MEI1: variants seen among roughly 807,000 people sequenced by gnomAD.
MEI1 encodes the protein meiotic double-stranded break formation protein 1, also known as meiosis inhibitor protein 1.
In MEI1, 103 loss-of-function variants were observed where a neutral mutation model predicts 146.2. The observed-to-expected ratio is 0.70, with a 90% CI of 0.60 to 0.83. MEI1 has a LOEUF of 0.83. Ranked by LOEUF, MEI1 falls within the 40% of genes least tolerant of loss-of-function variation. The pLI is 0.00. For missense variants in MEI1, 1,529 were observed against 1,533.0 expected (o/e 1.00, Z 0.04); for synonymous variants, 652 against 628.2 (o/e 1.04, Z -0.57).
chr22:41,783,354 G>C (rs982248140), intron 24 of MEI1, among the ~76,000 whole-genome samples: 3 of 151,672 alleles, frequency 2.0e-5, no homozygotes, highest in Non-Finnish European at 2.9e-5. Flanking sequence ...GTGCAATGGT[G>C]TGATCTCGGC....
intron 19 of MEI1, among the ~76,000 whole-genome samples, chr22:41,765,518 G>A (rs1345022288): frequency 6.6e-6 from 1 of 151,900 alleles, no homozygotes; most frequent in East Asian, 1.9e-4. Flanking sequence ...TATATAAAGG[G>A]CAACATACAA....
intron 7 of MEI1, among the ~76,000 whole-genome samples, chr22:41,725,198 G>A (rs1207513066): frequency 6.6e-6 from 1 of 151,188 alleles, no homozygotes; most frequent in Non-Finnish European, 1.5e-5. Flanking sequence ...TACAACCTCC[G>A]CCCCCCAGGC....
chr22:41,788,630 A>G (rs1260798356), intron 26 of MEI1, among the ~76,000 whole-genome samples: 2 of 146,028 alleles, frequency 1.4e-5, no homozygotes, highest in African/African-American at 2.5e-5. Flanking sequence ...TAGTAGAGAC[A>G]GGGTTTCACC....
chr22:41,730,566 G>C lies in MEI1; in HGVS notation c.1025G>C (p.Trp342Ser), dbSNP rs2147560257. ...TCTTCTTCCAGTGAAGTGCTCGTCT[G>C]GTCCAGCTGTAACTGCTTGACACTC... ...HLSSSSEVLV[W>S]SSCNCLTLLV... is the part of the protein sequence containing the mutation. Residue 342 changes from tryptophan to serine, a missense_variant, in exon 9 of 31, where the codon TGG becomes TCG. This residue lies in a region of MEI1 where 1,212 missense variants were observed against 1,178.9 expected (regional missense o/e 1.03). Transcript: ENST00000401548. The C allele has an allele frequency of 6.2e-7, 1 of 1,613,834 alleles. No homozygotes were observed. Among genetic ancestry groups the C allele is most frequent in the Middle Eastern group, 1.6e-4 (1 of 6,062 alleles).
intron 9 of MEI1, 39 bp from the exon 10 acceptor site, chr22:41,732,206 G>T: frequency 6.6e-7 from 1 of 1,505,894 alleles, no homozygotes; most frequent in Non-Finnish European, 9.1e-7. Flanking sequence ...GAACAAGAGA[G>T]CACTGATCCC....
intron 26 of MEI1, among the ~76,000 whole-genome samples, chr22:41,786,251 T>A: frequency 6.6e-6 from 1 of 151,984 alleles, no homozygotes; most frequent in East Asian, 1.9e-4. Flanking sequence ...CTTGCTATAT[T>A]TCCAGGCTGG....
In MEI1 at chr22:41,793,809, T is replaced by A; in HGVS notation, c.3346-20T>A. ...ATTGGTAGCAAAACCTGACCTGATTTTTTTTTTTTTTTTCTGCAGAAGGAC... is the reference window on the plus strand; with the variant it reads ...ATTGGTAGCAAAACCTGACCTGATTATTTTTTTTTTTTTCTGCAGAAGGAC... On this transcript the variant is annotated intron_variant, in intron 26 of 30. Transcript: ENST00000401548. The A allele has an allele frequency of 6.8e-7, 1 of 1,462,640 alleles. No homozygotes were observed. Among genetic ancestry groups the A allele is most frequent in the Non-Finnish European group, 9.0e-7 (1 of 1,109,606 alleles). 90.6% of individuals were successfully genotyped at this position (1,462,640 alleles called of 1,614,324 possible).
chr22:41,738,780 A>T (rs541774786), intron 11 of MEI1, among the ~76,000 whole-genome samples: 1 of 129,244 alleles, frequency 7.7e-6, no homozygotes, highest in Admixed American at 7.8e-5. Flanking sequence ...CAAAAAAAAA[A>T]ATAAATAAAT....
At chr22:41,766,144 G>A (rs1467688450) in intron 19 of MEI1, among the ~76,000 whole-genome samples, 5 of 151,216 alleles carry the variant, frequency 3.3e-5, no homozygotes, top group Non-Finnish European at 7.4e-5. Flanking sequence ...CAAAGTGCTG[G>A]GATTACAGGC....
chr22:41,784,502 G>C, intron 25 of MEI1, 82 bp downstream of exon 25: 1 of 1,596,510 alleles, frequency 6.3e-7, no homozygotes, highest in Non-Finnish European at 8.6e-7. Flanking sequence ...CCAGCCAATG[G>C]TCACTCCATA....
chr22:41,738,793 ATAAG>A (rs1473106254), intron 11 of MEI1, among the ~76,000 whole-genome samples: 1 of 84,436 alleles, frequency 1.2e-5, no homozygotes, highest in Admixed American at 1.0e-4. Flanking sequence ...AAATAAATAA[ATAAG>A]TAATAAAATA....
intron 12 of MEI1, among the ~76,000 whole-genome samples, chr22:41,743,715 A>T (rs1360624975): frequency 6.6e-6 from 1 of 152,152 alleles, no homozygotes; most frequent in African/African-American, 2.4e-5. Flanking sequence ...AGCTCTTTAC[A>T]CCTGATGGAG....
chr22:41,752,013 T>A (rs2073788961), intron 15 of MEI1, among the ~76,000 whole-genome samples: 1 of 150,736 alleles, frequency 6.6e-6, no homozygotes, highest in South Asian at 2.1e-4. Flanking sequence ...GAGGTTGCAG[T>A]GAGCTGAGAT....
intron 2 of MEI1, among the ~76,000 whole-genome samples, chr22:41,705,018 G>A (rs1269911325): frequency 6.6e-6 from 1 of 151,724 alleles, no homozygotes; most frequent in East Asian, 1.9e-4. Flanking sequence ...CCGGCCAATT[G>A]TTATCTTTTT....
intron 15 of MEI1, among the ~76,000 whole-genome samples, chr22:41,749,675 G>T (rs1478514311): frequency 2.0e-5 from 3 of 152,234 alleles, no homozygotes; most frequent in African/African-American, 2.4e-5. Flanking sequence ...GAGCAGTGTG[G>T]ACTATGAGTT....
At chr22:41,734,311 G>C (rs2072132417) in intron 11 of MEI1, among the ~76,000 whole-genome samples, 1 of 152,024 alleles carries the variant, frequency 6.6e-6, no homozygotes, top group Admixed American at 6.6e-5. Context: ...ATGCAATGTA[G>C]ACGGGGCGCG....
chr22:41,746,165 C>T (rs966643847), intron 14 of MEI1, 139 bp downstream of exon 14: 4 of 660,886 alleles, frequency 6.1e-6, no homozygotes, highest in South Asian at 5.3e-5. Flanking sequence ...TTGCTGCTAC[C>T]TTTCCTTTGT....
chr22:41,761,357 CA>C (rs2147954719), intron 18 of MEI1, among the ~76,000 whole-genome samples: 1 of 149,314 alleles, frequency 6.7e-6, no homozygotes, highest in African/African-American at 2.5e-5. Flanking sequence ...CTCTGTCGCC[CA>C]GGCTGGAGTG....
At chr22:41,739,239 T>C (rs2072655006) in intron 11 of MEI1, among the ~76,000 whole-genome samples, 1 of 152,238 alleles carries the variant, frequency 6.6e-6, no homozygotes, top group Admixed American at 6.5e-5. Flanking sequence ...GAAAGATCAA[T>C]ATTTAATTAG....
Sources: allele counts gnomAD v4.1 joint callset (sites outside exome capture counted in the v4.1 genomes callset), GRCh38; gene constraint gnomAD v4.1.1; regional missense constraint gnomAD v4.1.1; transcripts MANE v1.5; gene names NCBI Gene and HGNC (gene_info 2026-07-23, HGNC 2026-07-21).